The following PTPRM variants were observed in gnomAD, a reference collection of about 807,000 sequenced individuals.
PTPRM encodes the protein protein tyrosine phosphatase receptor type M.
A neutral mutation model predicts 186.7 loss-of-function variants in PTPRM; 47 were observed. The ratio of observed to expected loss-of-function variants is 0.25; its 90% confidence interval spans 0.20 to 0.32. The LOEUF is 0.32. Ranked by LOEUF, PTPRM falls within the 10% of genes least tolerant of loss-of-function variation. The pLI is 1.00. For missense variants in PTPRM, 1,494 were observed against 1,865.0 expected, an observed-to-expected ratio of 0.80 and a Z score of 3.66; for synonymous variants, 668 against 674.9, an observed-to-expected ratio of 0.99 and a Z score of 0.16.
intron 22 of PTPRM, among the ~76,000 whole-genome samples, chr18:8,335,978 C>T (rs113958987): frequency 0.028 from 4,186 of 152,048 alleles, 193 homozygotes; most frequent in African/African-American, 0.092. Context: ...CCCATGATCG[C>T]GCCACCGCAC....
At chr18:7,950,382 TG>T (rs1176072467) in intron 6 of PTPRM, among the ~76,000 whole-genome samples, 1 of 152,194 alleles carries the variant, frequency 6.6e-6, no homozygotes, top group Non-Finnish European at 1.5e-5. Context: ...CCAGCCAACC[TG>T]GACAGAGTGA....
chr18:8,178,789 AAATAAT>A (rs1312095293), intron 14 of PTPRM, among the ~76,000 whole-genome samples: 5 of 146,554 alleles, frequency 3.4e-5, no homozygotes, highest in Non-Finnish European at 6.1e-5. Flanking sequence ...TCCGTCTCAA[AAATAAT>A]AATAATAATA....
chr18:7,899,606 A>T (rs1217996939), intron 3 of PTPRM, among the ~76,000 whole-genome samples: 2 of 152,190 alleles, frequency 1.3e-5, no homozygotes, highest in Non-Finnish European at 2.9e-5. Context: ...TTTCCTAAAA[A>T]TGTTTGTTTC....
intron 7 of PTPRM, among the ~76,000 whole-genome samples, chr18:8,039,580 A>G (rs1445183161): frequency 2.0e-5 from 3 of 152,188 alleles, no homozygotes; most frequent in Non-Finnish European, 4.4e-5. Flanking sequence ...GGTATAAAAC[A>G]TGCTTTGAAA....
At chr18:7,994,749 G>A (rs1388236071) in intron 7 of PTPRM, among the ~76,000 whole-genome samples, 1 of 152,026 alleles carries the variant, frequency 6.6e-6, no homozygotes, top group Middle Eastern at 3.4e-3. Flanking sequence ...AAGAAGTGAA[G>A]AAGGAAATAA....
intron 11 of PTPRM, among the ~76,000 whole-genome samples, chr18:8,095,115 T>C (rs1364363296): frequency 6.6e-6 from 1 of 152,012 alleles, no homozygotes; most frequent in Non-Finnish European, 1.5e-5. Flanking sequence ...TGCTAAGGGC[T>C]CTCTTCTCCA....
chr18:7,887,377 C>T (rs770545782), intron 2 of PTPRM, among the ~76,000 whole-genome samples: 2 of 152,138 alleles, frequency 1.3e-5, no homozygotes, highest in Non-Finnish European at 2.9e-5. Flanking sequence ...TTAGAATGAT[C>T]GTCCTTCAGT....
At chr18:8,178,515 G>C (rs1052706716) in intron 14 of PTPRM, among the ~76,000 whole-genome samples, 6 of 152,138 alleles carry the variant, frequency 3.9e-5, no homozygotes, top group African/African-American at 2.4e-5. Context: ...TGGGCACGGT[G>C]GCTCATGCCT....
chr18:7,802,821 A>G (rs1050115053), intron 2 of PTPRM, among the ~76,000 whole-genome samples: 1 of 152,226 alleles, frequency 6.6e-6, no homozygotes, highest in Non-Finnish European at 1.5e-5. Context: ...ATTATTGAAA[A>G]ACTGTTATGT....
intron 2 of PTPRM, among the ~76,000 whole-genome samples, chr18:7,859,403 G>T (rs534392364): frequency 3.9e-5 from 6 of 152,196 alleles, no homozygotes; most frequent in South Asian, 2.1e-4. Context: ...GTGGCAGCCA[G>T]GTAGTCAGGA....
At chr18:8,268,237 G>C (rs1013291004) in intron 19 of PTPRM, among the ~76,000 whole-genome samples, 2 of 152,022 alleles carry the variant, frequency 1.3e-5, no homozygotes, top group Non-Finnish European at 2.9e-5. Flanking sequence ...CATTTGTTTG[G>C]ATCTTCTTTA....
chr18:8,328,159 T>C (rs1331375487), intron 22 of PTPRM, among the ~76,000 whole-genome samples: 3 of 152,220 alleles, frequency 2.0e-5, no homozygotes, highest in African/African-American at 7.2e-5. Flanking sequence ...AAATATGGTT[T>C]ATATTTTCCC....
chr18:7,937,502 C>T (rs62090939), intron 5 of PTPRM, among the ~76,000 whole-genome samples: 12,994 of 152,238 alleles, frequency 0.085, 606 homozygotes, highest in Middle Eastern at 0.26. Context: ...TCTCCCAACT[C>T]GCCCTTGGCA....
chr18:8,287,802 A>G (rs1601641712), intron 19 of PTPRM, among the ~76,000 whole-genome samples: 1 of 152,162 alleles, frequency 6.6e-6, no homozygotes, highest in South Asian at 2.1e-4. Flanking sequence ...TGGGGTGACA[A>G]TCCTAGAGAC....
At chr18:8,076,648 T>C (rs550842499) in intron 9 of PTPRM, 84 bp downstream of exon 9, 2 of 652,112 alleles carry the variant, frequency 3.1e-6, no homozygotes, top group African/African-American at 1.9e-5. Context: ...TAAAAATGCA[T>C]ACTTACATAA....
intron 13 of PTPRM, among the ~76,000 whole-genome samples, chr18:8,118,811 A>ATATATATATAT (rs1555749530): frequency 1.2e-4 from 15 of 128,366 alleles, no homozygotes; most frequent in African/African-American, 4.3e-4. Flanking sequence ...AAAAAAAAAA[A>ATATATATATAT]ATATATATAT....
intron 11 of PTPRM, among the ~76,000 whole-genome samples, chr18:8,094,952 T>G (rs1394219384): frequency 6.6e-6 from 1 of 152,158 alleles, no homozygotes; most frequent in Non-Finnish European, 1.5e-5. Context: ...TGTTAAAAAT[T>G]CCATCTTAAG....
chr18:8,134,219 T>C (rs564608762), intron 13 of PTPRM, among the ~76,000 whole-genome samples: 10 of 152,332 alleles, frequency 6.6e-5, no homozygotes, highest in African/African-American at 1.7e-4. Flanking sequence ...TTTACACTTA[T>C]ATGTTCAAAA....
intron 2 of PTPRM, among the ~76,000 whole-genome samples, chr18:7,785,765 G>A (rs2043072571): frequency 6.6e-6 from 1 of 152,184 alleles, no homozygotes; most frequent in African/African-American, 2.4e-5. Context: ...TACTGGAGAG[G>A]TTTAGTAGAG....
Sources: allele counts gnomAD v4.1 joint callset (sites outside exome capture counted in the v4.1 genomes callset), GRCh38; gene constraint gnomAD v4.1.1; transcripts MANE v1.5; gene names NCBI Gene and HGNC (gene_info 2026-07-23, HGNC 2026-07-21).